The following DNAH6 variants were observed in gnomAD, a reference collection of about 807,000 sequenced individuals.
DNAH6 encodes dynein axonemal heavy chain 6.
DNAH6 carries 340 observed loss-of-function variants against 491.4 expected under a neutral mutation model. The ratio of observed to expected loss-of-function variants is 0.69; its 90% CI spans 0.63 to 0.76. The LOEUF (loss-of-function observed/expected upper bound fraction) is 0.76. Ranked by LOEUF, DNAH6 falls within the 30% of genes least tolerant of loss-of-function variation. The probability of loss-of-function intolerance (pLI) is 0.00; values close to 1 mark genes in which losing one functional copy is unlikely to be tolerated. For synonymous variants in DNAH6, 1,603 were observed against 1,686.1 expected (o/e 0.95, Z 1.21); for missense variants, 4,443 against 4,972.2 (o/e 0.89, Z 3.20).
At chr2:84,696,460 C>G (rs1459533559) in intron 46 of DNAH6, among the ~76,000 whole-genome samples, 1 of 151,854 alleles carries the variant, frequency 6.6e-6, no homozygotes, top group Non-Finnish European at 1.5e-5. Flanking sequence ...CTCAAATTTA[C>G]ATTTGTAGAT....
intron 31 of DNAH6, among the ~76,000 whole-genome samples, chr2:84,639,882 G>C (rs545790718): frequency 1.2e-4 from 18 of 152,240 alleles, no homozygotes; most frequent in Non-Finnish European, 2.2e-4. Context: ...ATAGAAAAAA[G>C]GGTCCGCTTC....
chr2:84,627,342 T>G (rs1687977102), intron 29 of DNAH6, among the ~76,000 whole-genome samples: 1 of 152,196 alleles, frequency 6.6e-6, no homozygotes, highest in Admixed American at 6.5e-5. Context: ...GAATACTTCC[T>G]TGAGCAATTT....
intron 16 of DNAH6, 104 bp from the exon 17 acceptor site, chr2:84,593,868 T>A: frequency 4.0e-6 from 2 of 503,002 alleles, no homozygotes; most frequent in Non-Finnish European, 6.6e-6. Flanking sequence ...AGGATGCACA[T>A]TCTTCCAAGC....
chr2:84,664,893 A>G (rs1202560329), intron 37 of DNAH6, among the ~76,000 whole-genome samples: 1 of 152,216 alleles, frequency 6.6e-6, no homozygotes, highest in Non-Finnish European at 1.5e-5. Flanking sequence ...ATTGTAACAA[A>G]CTGTCTCTCA....
At position 84,624,261 on chromosome 2, in the gene DNAH6, G is replaced by A. The variant is rs921366555; in HGVS notation, c.4072-4G>A. 3 of 1,534,152 alleles carry A rather than the reference G, an allele frequency of 2.0e-6. No homozygotes were observed. The African/African-American group carries it at 4.2e-5, about 21-fold the overall frequency. Reference sequence around the variant, plus strand: ...TTCACCATGACAATTTTTTTTATTTGTAGAGATTAAATGCCCTAGCTGCAA... The same window carrying A: ...TTCACCATGACAATTTTTTTTATTTATAGAGATTAAATGCCCTAGCTGCAA... On this transcript the variant is annotated splice_polypyrimidine_tract_variant and splice_region_variant and intron_variant, in intron 26 of 76. Transcript: ENST00000389394.
chr2:84,514,899 A>ACACACACACACT (rs1261996148), upstream of DNAH6, among the ~76,000 whole-genome samples: 1 of 151,084 alleles, frequency 6.6e-6, no homozygotes, highest in South Asian at 2.1e-4. Flanking sequence ...ACACACACAC[A>ACACACACACACT]CTTCTTAGCT....
rs565788230 is a variant in DNAH6 at position 84,619,363 on chromosome 2, C to T, written c.3573-322C>T. On this transcript the variant is annotated intron_variant, in intron 23 of 76. Coordinates refer to ENST00000389394, the MANE Select transcript of DNAH6 (RefSeq NM_001370.2). ...GGAAAACAAATAATACATCTTCACT[C>T]TGGAGGCTTAAAGCCAGGTAAGACA... is the stretch of plus-strand genomic sequence containing the variant. Among the ~76,000 whole-genome samples the T allele has an allele frequency of 8.5e-5, 13 of 152,318 alleles. No individual in the cohort carries two copies. The South Asian group carries it at 1.9e-3, about 22-fold the overall frequency.
chr2:84,762,985 ATGAACATCTCTT>A (rs780841572), intron 64 of DNAH6, 40 bp downstream of exon 64: 2 of 1,458,286 alleles, frequency 1.4e-6, no homozygotes, highest in South Asian at 2.5e-5. Flanking sequence ...GCAAATGCAT[ATGAACATCTCTT>A]TGTTAAAATT....
intron 33 of DNAH6, among the ~76,000 whole-genome samples, chr2:84,648,841 G>A (rs1690143305): frequency 6.6e-6 from 1 of 152,236 alleles, no homozygotes; most frequent in African/African-American, 2.4e-5. Flanking sequence ...AAGAGTTTGA[G>A]AGAACTGACT....
intron 4 of DNAH6, among the ~76,000 whole-genome samples, chr2:84,537,597 A>C (rs949180241): frequency 6.6e-6 from 1 of 152,088 alleles, no homozygotes; most frequent in Non-Finnish European, 1.5e-5. Flanking sequence ...ATGGATGCCA[A>C]ATAGAAGTAT....
chr2:84,547,877 A>C (rs1183137925), intron 7 of DNAH6, among the ~76,000 whole-genome samples: 1 of 152,184 alleles, frequency 6.6e-6, no homozygotes, highest in East Asian at 1.9e-4. Context: ...GAGTGGACTC[A>C]GCATCTCTCT....
chr2:84,745,808 T>C (rs1263246053), intron 63 of DNAH6, among the ~76,000 whole-genome samples: 1 of 152,120 alleles, frequency 6.6e-6, no homozygotes, highest in African/African-American at 2.4e-5. Context: ...TGCTCTCTGC[T>C]GGAGGGATGG....
At chr2:84,537,692 G>A (rs1255133420) in intron 4 of DNAH6, among the ~76,000 whole-genome samples, 2 of 151,988 alleles carry the variant, frequency 1.3e-5, no homozygotes, top group Non-Finnish European at 2.9e-5. Context: ...TTTTCAGGTT[G>A]GTATAAAAGG....
At chr2:84,461,680 G>A in the DNAH6 span, among the ~76,000 whole-genome samples, 5 of 152,320 alleles carry the variant, frequency 3.3e-5, no homozygotes, top group South Asian at 8.3e-4. Flanking sequence ...GATAATGGTA[G>A]TTATTATCAT....
At chr2:84,501,070 A>G in the DNAH6 span, among the ~76,000 whole-genome samples, 2 of 152,220 alleles carry the variant, frequency 1.3e-5, no homozygotes, top group African/African-American at 4.8e-5. Context: ...ATGCTGAATA[A>G]CAGTGAGAAA....
chr2:84,672,590 CT>C, intron 40 of DNAH6, 106 bp downstream of exon 40: 1 of 1,023,708 alleles, frequency 9.8e-7, no homozygotes, highest in Non-Finnish European at 1.4e-6. Context: ...GATGGGGTGG[CT>C]TACACAACAG....
intron 62 of DNAH6, 151 bp from the exon 63 acceptor site, chr2:84,744,929 G>A: frequency 2.3e-6 from 1 of 439,862 alleles, no homozygotes; most frequent in East Asian, 3.7e-5. Flanking sequence ...TTTTGATTAG[G>A]TTGGGTAGCA....
chr2:84,528,484 A>G (rs1676816050), intron 3 of DNAH6, among the ~76,000 whole-genome samples: 1 of 152,156 alleles, frequency 6.6e-6, no homozygotes, highest in Non-Finnish European at 1.5e-5. Context: ...ACAGCTGTCC[A>G]AGACTCCACT....
chr2:84,797,807 C>T, intron 70 of DNAH6, 149 bp downstream of exon 70: 2 of 752,782 alleles, frequency 2.7e-6, no homozygotes, highest in Non-Finnish European at 4.2e-6. Context: ...CATTTGGTTC[C>T]AATTTAGCCT....
Sources: gnomAD v4.1 joint callset for allele counts (sites outside exome capture counted in the v4.1 genomes callset) on GRCh38, gnomAD v4.1.1 for gene constraint, MANE v1.5 for transcripts, NCBI Gene and HGNC (gene_info 2026-07-23, HGNC 2026-07-21) for gene names.